SBF2: variants seen among roughly 807,000 people sequenced by gnomAD.
SBF2 encodes myotubularin-related protein 13.
SBF2 carries 112 observed loss-of-function variants against 225.2 expected under a neutral mutation model. The ratio of observed to expected loss-of-function variants is 0.50; its 90% CI spans 0.43 to 0.58. The LOEUF is 0.58. Ranked by LOEUF, SBF2 falls within the 20% of genes least tolerant of loss-of-function variation. The pLI is 0.00. For missense variants in SBF2, 1,996 were observed against 2,206.2 expected (o/e 0.90, Z 1.91); for synonymous variants, 763 against 773.3 (o/e 0.99, Z 0.22).
intron 1 of SBF2, among the ~76,000 whole-genome samples, chr11:10,248,826 A>T (rs1481770643): frequency 2.0e-5 from 3 of 152,200 alleles, no homozygotes; most frequent in East Asian, 1.9e-4. Flanking sequence ...CCGGGCGCGG[A>T]GGCTTACGCC....
rs763977351 is a variant in SBF2 at position 9,845,608 on chromosome 11, G to C, written c.3067C>G (p.Gln1023Glu). The C allele has an allele frequency of 3.7e-6, 6 of 1,613,926 alleles. No homozygotes were observed. The highest frequency in any genetic ancestry group is 1.3e-5 in the African/African-American group (1 of 75,042). The change falls in exon 24 of 40, where the codon CAA becomes GAA. Residue 1023 changes from glutamine (Q) to glutamate (E), a missense_variant. Coordinates refer to ENST00000256190, the MANE Select transcript of SBF2 (RefSeq NM_030962.4). ...FAFAAGQTTPQIILPKQKEKN... is the reference protein window; with the variant it reads ...FAFAAGQTTPEIILPKQKEKN... ...TCCTTCTGTTTTGGTAAAATTATTT[G>C]TGGGGTAGTTTGTCCAGCAGCAAAA...
At chr11:10,141,925 A>G (rs1204887261) in intron 2 of SBF2, among the ~76,000 whole-genome samples, 1 of 152,180 alleles carries the variant, frequency 6.6e-6, no homozygotes, top group East Asian at 1.9e-4. Context: ...AACATTCAGG[A>G]TAGTAAGAAC....
chr11:10,009,606 T>C (rs1196967895), intron 6 of SBF2, among the ~76,000 whole-genome samples: 2 of 152,232 alleles, frequency 1.3e-5, no homozygotes, highest in Non-Finnish European at 2.9e-5. Context: ...TTTTTATAGC[T>C]GCATAGTATT....
chr11:10,185,811 C>T (rs1408319867), intron 2 of SBF2, among the ~76,000 whole-genome samples: 1 of 151,966 alleles, frequency 6.6e-6, no homozygotes, highest in African/African-American at 2.4e-5. Flanking sequence ...CAACGAGTCC[C>T]CATACTAATG....
At chr11:10,287,435 C>A (rs921743401) in intron 1 of SBF2, among the ~76,000 whole-genome samples, 5 of 152,068 alleles carry the variant, frequency 3.3e-5, no homozygotes, top group African/African-American at 1.2e-4. Context: ...ACATGTGTCA[C>A]CACGCCAGGC....
At chr11:10,252,365 G>A (rs1204373247) in intron 1 of SBF2, among the ~76,000 whole-genome samples, 2 of 152,218 alleles carry the variant, frequency 1.3e-5, no homozygotes, top group Admixed American at 6.5e-5. Flanking sequence ...CCTTGTGGAC[G>A]AACTGCAACC....
In SBF2 at chr11:9,895,987, T is replaced by C. The variant is rs763631385; in HGVS notation, c.1885A>G (p.Asn629Asp). ...AAAGGGAGTAATGCTGCGGCAATGTTGTATTCTTCTAAACTTGAACAATCC... is the reference window on the plus strand; with the variant it reads ...AAAGGGAGTAATGCTGCGGCAATGTCGTATTCTTCTAAACTTGAACAATCC... ...LQDCSSLEEY[N>D]IAAALLPLTS... Residue 629 changes from asparagine to aspartate, a missense_variant, in exon 17 of 40, where the codon AAC (asparagine) becomes GAC (aspartate). By Grantham distance (23) the Asn-to-Asp change is conservative (BLOSUM62 1). Coordinates refer to ENST00000256190, the MANE Select transcript of SBF2 (RefSeq NM_030962.4). 6.2e-7 allele frequency: 1 copy of C among 1,613,434 alleles called. No individual in the cohort carries two copies. The highest frequency in any genetic ancestry group is 1.1e-5 in the South Asian group (1 of 91,062).
At chr11:9,916,037 C>G (rs963826371) in intron 16 of SBF2, among the ~76,000 whole-genome samples, 6 of 152,032 alleles carry the variant, frequency 3.9e-5, no homozygotes, top group African/African-American at 1.2e-4. Flanking sequence ...GTACTCCAGC[C>G]CAAGTGACAG....
intron 2 of SBF2, among the ~76,000 whole-genome samples, chr11:10,151,946 C>A (rs1167022874): frequency 1.3e-5 from 2 of 152,134 alleles, no homozygotes; most frequent in Non-Finnish European, 2.9e-5. Flanking sequence ...TAGCTATCAG[C>A]CAATAAACTA....
intron 16 of SBF2, among the ~76,000 whole-genome samples, chr11:9,942,160 T>A (rs1358368336): frequency 6.6e-6 from 1 of 152,048 alleles, no homozygotes; most frequent in East Asian, 1.9e-4. Context: ...CACCCTCGAG[T>A]GGGCTCAAGT....
intron 6 of SBF2, among the ~76,000 whole-genome samples, chr11:10,018,354 C>T (rs1948725086): frequency 1.3e-5 from 2 of 151,902 alleles, no homozygotes; most frequent in Admixed American, 1.3e-4. Flanking sequence ...AGCTATGTAT[C>T]AAATGTTACA....
At chr11:9,890,613 T>A (rs1224702546) in intron 17 of SBF2, among the ~76,000 whole-genome samples, 1 of 152,168 alleles carries the variant, frequency 6.6e-6, no homozygotes, top group Non-Finnish European at 1.5e-5. Flanking sequence ...GGTATTTATT[T>A]TTCCTCCCAG....
chr11:10,076,455 G>T (rs1456380774), intron 2 of SBF2, among the ~76,000 whole-genome samples: 1 of 152,336 alleles, frequency 6.6e-6, no homozygotes, highest in African/African-American at 2.4e-5. Context: ...GAACTGAGAG[G>T]TGAGAATATG....
chr11:10,037,947 C>T (rs72858845), intron 3 of SBF2, among the ~76,000 whole-genome samples: 8,044 of 151,884 alleles, frequency 0.053, 300 homozygotes, highest in Middle Eastern at 0.16. Flanking sequence ...TTATATGATA[C>T]TATGTTTAAA....
At chr11:9,958,807 C>T (rs555864774) in intron 16 of SBF2, 6 of 539,578 alleles carry the variant, frequency 1.1e-5, no homozygotes, top group East Asian at 7.9e-5. Context: ...CTTCTGTCAC[C>T]GAAAATGGGT....
At chr11:9,800,558 C>G (rs1853430776) in intron 32 of SBF2, among the ~76,000 whole-genome samples, 2 of 152,036 alleles carry the variant, frequency 1.3e-5, no homozygotes, top group African/African-American at 4.8e-5. Context: ...AGGCGCCTGC[C>G]ACCACGCCCA....
intron 17 of SBF2, among the ~76,000 whole-genome samples, chr11:9,859,844 G>GTC (rs1857585446): frequency 6.6e-6 from 1 of 152,206 alleles, no homozygotes. Flanking sequence ...GCCTTAAAGA[G>GTC]TCTCTGTGTA....
chr11:10,100,500 C>T (rs1195105132), intron 2 of SBF2, among the ~76,000 whole-genome samples: 1 of 152,232 alleles, frequency 6.6e-6, no homozygotes, highest in East Asian at 1.9e-4. Context: ...ATGAATTTAA[C>T]TGCAATAGAG....
chr11:9,824,558 T>C (rs968273938), intron 28 of SBF2, among the ~76,000 whole-genome samples: 51 of 138,932 alleles, frequency 3.7e-4, no homozygotes, highest in Admixed American at 1.0e-3. Flanking sequence ...CGAGACTCCA[T>C]CTCAAAAAAA....
Sources: gnomAD v4.1 joint callset for allele counts (sites outside exome capture counted in the v4.1 genomes callset) on GRCh38, gnomAD v4.1.1 for gene constraint, MANE v1.5 for transcripts, NCBI Gene and HGNC (gene_info 2026-07-23, HGNC 2026-07-21) for gene names.